Variants in INTS8 observed in about 807,000 individuals in gnomAD.
The protein encoded by INTS8 is protein kaonashi-1.
In INTS8, 47 loss-of-function variants were observed where a neutral mutation model predicts 138.9. The ratio of observed to expected loss-of-function variants is 0.34; its 90% CI spans 0.27 to 0.43. The LOEUF is 0.43. Ranked by LOEUF, INTS8 falls within the 20% of genes least tolerant of loss-of-function variation. The pLI is 1.00. For missense variants in INTS8, 996 were observed against 1,173.0 expected (o/e 0.85, Z 2.20); for synonymous variants, 392 against 400.9 (o/e 0.98, Z 0.27).
chr8:94,859,461 A>G (rs1308040057), intron 15 of INTS8, 50 bp from the exon 16 acceptor site: 14 of 1,574,278 alleles, frequency 8.9e-6, no homozygotes, highest in African/African-American at 5.4e-5. Flanking sequence ...CTTTGTTCCT[A>G]TTTTAATGTT....
intron 23 of INTS8, 107 bp downstream of exon 23, chr8:94,874,709 C>T: frequency 1.5e-6 from 1 of 646,752 alleles, no homozygotes; most frequent in South Asian, 1.9e-5. Flanking sequence ...ATATCAAAAT[C>T]ACTTAGGGTA....
At chr8:94,840,037 A>G (rs1030262777) in intron 8 of INTS8, among the ~76,000 whole-genome samples, 7 of 152,254 alleles carry the variant, frequency 4.6e-5, no homozygotes, top group East Asian at 1.9e-4. Flanking sequence ...AAAATAGTGT[A>G]ATGGGTAGCT....
At position 94,881,483 on chromosome 8, in the gene INTS8, G is replaced by C. The variant is rs971666954; in HGVS notation, c.*1249G>C. 1 of 688,810 alleles carries C rather than the reference G, an allele frequency of 1.5e-6. No homozygotes were observed. Among genetic ancestry groups the C allele is most frequent in the African/African-American group, 1.8e-5 (1 of 55,282 alleles). 42.7% of individuals were successfully genotyped at this position (688,810 alleles called of 1,614,324 possible). ...TTAAATGTATTCTTTAGTGCCAATT[G>C]TAAGTTTTAAAATCAGAATGGCAGT... On this transcript the variant is annotated 3_prime_UTR_variant, in exon 27 of 27. Transcript: ENST00000523731.
chr8:94,836,628 A>C lies in INTS8; in HGVS notation c.858A>C (p.Ala286=), dbSNP rs765901853. ...TTTTTAGAACCAAAGAACTAATTGC[A>C]GAGGTAAATCCAGTCATAATAGGAA... ...EKFFRTKELI[A]EIGSLSLHCT... The change falls in exon 7 of 27, where the codon GCA becomes GCC. Residue 286 remains alanine, a synonymous_variant. Transcript: ENST00000523731. 5 of 1,577,268 alleles carry C rather than the reference A, an allele frequency of 3.2e-6. No homozygotes were observed. The East Asian group carries it at 9.0e-5, about 28-fold the overall frequency.
chr8:94,875,817 TCA>T (rs1373524179), intron 23 of INTS8: 1 of 399,734 alleles, frequency 2.5e-6, no homozygotes, highest in Non-Finnish European at 4.6e-6. Flanking sequence ...TCCATCCCCT[TCA>T]GTTTTCTGAA....
At chr8:94,851,750 A>G in intron 13 of INTS8, 64 bp downstream of exon 13, 1 of 1,408,150 alleles carries the variant, frequency 7.1e-7, no homozygotes, top group South Asian at 1.4e-5. Flanking sequence ...TTTAATAGAA[A>G]AGCTGTTCCC....
chr8:94,876,668 ATTATT>A (rs1816576864), intron 26 of INTS8, 179 bp downstream of exon 26: 3 of 496,956 alleles, frequency 6.0e-6, no homozygotes, highest in Admixed American at 7.7e-5. Flanking sequence ...GTCATTATAT[ATTATT>A]TTAAAATGTT....
intron 5 of INTS8, among the ~76,000 whole-genome samples, chr8:94,831,079 AGCCACCGTGCCTG>A (rs1371886514): frequency 5.3e-5 from 8 of 152,126 alleles, no homozygotes; most frequent in African/African-American, 1.9e-4. Flanking sequence ...TACAGGTGTG[AGCCACCGTGCCTG>A]GCCACCAGCT....
intron 2 of INTS8, among the ~76,000 whole-genome samples, chr8:94,826,617 T>A (rs1449652481): frequency 3.9e-5 from 6 of 152,186 alleles, no homozygotes; most frequent in African/African-American, 1.4e-4. Flanking sequence ...AATATTGTGA[T>A]TATGTTAAGA....
intron 16 of INTS8, among the ~76,000 whole-genome samples, chr8:94,861,513 G>A (rs922021081): frequency 3.3e-5 from 5 of 151,800 alleles, no homozygotes; most frequent in African/African-American, 1.2e-4. Flanking sequence ...TGCCCGCCTT[G>A]GCCTCCCAAA....
Position 94,872,378 on chromosome 8 carries a change from C to T in INTS8, c.2533+376C>T, listed in dbSNP as rs1445185046. Among the ~76,000 whole-genome samples, 8 of 152,236 alleles carry T rather than the reference C, an allele frequency of 5.3e-5. No individual in the cohort carries two copies. The East Asian group carries it at 1.4e-3, about 26-fold the overall frequency. ...CCTCCCAAGTAGCTGGGATTATAGG[C>T]ACCCACCACCATGCCTGGCTAATTT... On this transcript the variant is annotated intron_variant, in intron 21 of 26. Coordinates refer to ENST00000523731, the MANE Select transcript of INTS8 (RefSeq NM_017864.4).
intron 5 of INTS8, among the ~76,000 whole-genome samples, chr8:94,829,430 G>T (rs1341247789): frequency 1.3e-5 from 2 of 152,134 alleles, no homozygotes; most frequent in South Asian, 2.1e-4. Flanking sequence ...TTGCGCTCCT[G>T]TGTGAATCTA....
chr8:94,868,862 G>A (rs1816279985), intron 20 of INTS8: 1 of 152,012 alleles, frequency 6.6e-6, no homozygotes, highest in African/African-American at 2.4e-5. Context: ...AGTAGAGACA[G>A]GGTTTCACCC....
At position 94,823,386 on chromosome 8, in the gene INTS8, G is replaced by A; in HGVS notation, c.-46G>A. 6.6e-7 allele frequency: 1 copy of A among 1,510,054 alleles called. No homozygotes were observed. Among genetic ancestry groups the A allele is most frequent in the Non-Finnish European group, 8.8e-7 (1 of 1,132,136 alleles). The allele number at this position is 1,510,054 out of a possible 1,614,324, so 93.5% of individuals were successfully genotyped here. ...GCACCGGCCCGCATCCAAGTGTCAG[G>A]TTGGAGCCGGGAAGCGGCCCTGGTG... On this transcript the variant is annotated 5_prime_UTR_variant, in exon 1 of 27. Transcript: ENST00000523731.
At position 94,842,658 on chromosome 8, in the gene INTS8, T is replaced by C. The variant is rs367965163; in HGVS notation, c.1260+170T>C. Among the ~76,000 whole-genome samples the C allele has an allele frequency of 7.6e-4, 116 of 152,366 alleles. 1 individual carries two copies. The South Asian group carries it at 0.022, about 29-fold the overall frequency. ...CTTCCGCCTGGTCTTCTGCTGTAGCTCTTTTTCTAGTTCGCTCCATGTTTC... is the reference window on the plus strand; with the variant it reads ...CTTCCGCCTGGTCTTCTGCTGTAGCCCTTTTTCTAGTTCGCTCCATGTTTC... On this transcript the variant is annotated intron_variant, in intron 10 of 26. Coordinates refer to ENST00000523731, the MANE Select transcript of INTS8 (RefSeq NM_017864.4).
In INTS8 at chr8:94,838,540, A is replaced by G. The variant is rs530790185; in HGVS notation, c.939A>G (p.Val313=). ...AGYCQACDVL[V]PSSDSTSQQL... ...ATTGTCAAGCATGTGATGTTCTTGT[A>G]CCTTCTTCTGATAGTACATCTCAAC... is the stretch of plus-strand genomic sequence containing the variant. The change falls in exon 8 of 27, where the codon GTA becomes GTG. Residue 313 remains valine, a synonymous_variant. Transcript: ENST00000523731. 13 of 1,613,096 alleles carry G rather than the reference A, an allele frequency of 8.1e-6. No homozygotes were observed. The African/African-American group carries it at 1.6e-4, about 20-fold the overall frequency.
rs1563667873 is a variant in INTS8 at position 94,867,256 on chromosome 8, C to G, written c.2353-20C>G. On this transcript the variant is annotated intron_variant, in intron 19 of 26. Transcript: ENST00000523731. ...AAAGAAATTTCTTTGTAAATCACAC[C>G]TTTTTTTTTCTTTTTAAAGGAGGAC... 8 of 1,580,600 alleles carry G rather than the reference C, an allele frequency of 5.1e-6. No individual in the cohort carries two copies. Among genetic ancestry groups the G allele is most frequent in the Admixed American group, 1.7e-5 (1 of 57,290 alleles).
intron 2 of INTS8, among the ~76,000 whole-genome samples, chr8:94,826,418 A>ACTG (rs1332663282): frequency 6.6e-6 from 1 of 152,070 alleles, no homozygotes; most frequent in Admixed American, 6.6e-5. Context: ...AGTAGCTGGG[A>ACTG]CTGCAGGCGC....
intron 12 of INTS8, among the ~76,000 whole-genome samples, chr8:94,850,373 G>A (rs1223153971): frequency 6.6e-6 from 1 of 152,194 alleles, no homozygotes; most frequent in Non-Finnish European, 1.5e-5. Flanking sequence ...AGCACTTTGG[G>A]AGGCCAAGAC....
Sources: allele counts gnomAD v4.1 joint callset (sites outside exome capture counted in the v4.1 genomes callset), GRCh38; gene constraint gnomAD v4.1.1; transcripts MANE v1.5; gene names NCBI Gene and HGNC (gene_info 2026-07-23, HGNC 2026-07-21).